The following RABGAP1L variants were observed in gnomAD, a reference collection of about 807,000 sequenced individuals.
RABGAP1L encodes rab GTPase-activating protein 1-like.
In RABGAP1L, 63 loss-of-function variants were observed where a neutral mutation model predicts 137.7. The ratio of observed to expected loss-of-function variants is 0.46; its 90% CI spans 0.37 to 0.56. RABGAP1L has a LOEUF of 0.56. Ranked by LOEUF, RABGAP1L falls within the 20% of genes least tolerant of loss-of-function variation. The probability of loss-of-function intolerance (pLI) is 0.00; values close to 1 mark genes in which losing one functional copy is unlikely to be tolerated. For missense variants in RABGAP1L, 1,095 were observed against 1,244.0 expected (o/e 0.88, Z 1.80); for synonymous variants, 431 against 433.7 (o/e 0.99, Z 0.08).
chr1:174,521,442 T>C (rs1663384048), intron 13 of RABGAP1L, among the ~76,000 whole-genome samples: 1 of 152,012 alleles, frequency 6.6e-6, no homozygotes, highest in Non-Finnish European at 1.5e-5. Flanking sequence ...TAGAATCAGA[T>C]TTTTTGCTTC....
At position 174,231,149 on chromosome 1, in the gene RABGAP1L, T is replaced by G. The variant is rs766958071; in HGVS notation, c.336T>G (p.Ile112Met). ...QLILDPSNTE[I>M]STPRPSSPGG... is the part of the protein sequence containing the mutation. ...TTTCTTTTTTTGTTTCTTCAGAAAT[T>G]TCTACACCCAGACCATCTTCTCCAG... The change falls in exon 4 of 26, where the codon ATT becomes ATG. Residue 112 changes from isoleucine to methionine, a missense_variant. Ile to Met is a conservative substitution (Grantham distance 10). Around this residue, in one of 4 missense-constraint regions of RABGAP1L, gnomAD observed 356 missense variants for 326.3 expected, o/e 1.09. Coordinates refer to ENST00000681986, the MANE Select transcript of RABGAP1L (RefSeq NM_001366446.1). The G allele has an allele frequency of 6.2e-7, 1 of 1,604,468 alleles. No homozygotes were observed. The highest frequency in any genetic ancestry group is 1.7e-4 in the Middle Eastern group (1 of 6,044).
At chr1:174,551,492 A>C (rs1191172286) in intron 13 of RABGAP1L, among the ~76,000 whole-genome samples, 1 of 152,066 alleles carries the variant, frequency 6.6e-6, no homozygotes, top group Non-Finnish European at 1.5e-5. Flanking sequence ...AATATGTGGG[A>C]GGTAGTTAAA....
intron 11 of RABGAP1L, among the ~76,000 whole-genome samples, chr1:174,326,334 A>T (rs2148844614): frequency 6.6e-6 from 1 of 152,368 alleles, no homozygotes; most frequent in South Asian, 2.1e-4. Context: ...GAAATTTATC[A>T]GAGAAATCCA....
intron 11 of RABGAP1L, among the ~76,000 whole-genome samples, chr1:174,343,000 A>G (rs769909278): frequency 6.6e-6 from 1 of 152,242 alleles, no homozygotes; most frequent in East Asian, 1.9e-4. Context: ...TGGCCTCCCA[A>G]AGTGCTGGGA....
At chr1:174,960,610 A>C (rs770060716) in intron 20 of RABGAP1L, among the ~76,000 whole-genome samples, 5 of 152,158 alleles carry the variant, frequency 3.3e-5, no homozygotes, top group Non-Finnish European at 5.9e-5. Context: ...AAAAACATGA[A>C]TTTTATGGTA....
chr1:174,262,455 A>G (rs898530680), intron 7 of RABGAP1L, among the ~76,000 whole-genome samples: 3 of 152,242 alleles, frequency 2.0e-5, no homozygotes, highest in Non-Finnish European at 4.4e-5. Flanking sequence ...CATTAAAAAA[A>G]ATTCCAGTTT....
intron 13 of RABGAP1L, among the ~76,000 whole-genome samples, chr1:174,483,099 AT>A (rs1285543007): frequency 3.3e-5 from 5 of 152,334 alleles, no homozygotes; most frequent in African/African-American, 9.6e-5. Flanking sequence ...GGAGGTATCC[AT>A]CACCTCAAGC....
chr1:174,178,849 G>T (rs1558007146), intron 1 of RABGAP1L, among the ~76,000 whole-genome samples: 1 of 152,170 alleles, frequency 6.6e-6, no homozygotes. Flanking sequence ...GGAGGCAAGG[G>T]AAGGGAGAGC....
intron 7 of RABGAP1L, among the ~76,000 whole-genome samples, chr1:174,262,264 T>G (rs1480323169): frequency 2.0e-5 from 3 of 152,212 alleles, no homozygotes; most frequent in Non-Finnish European, 2.9e-5. Flanking sequence ...CATTGCTGGC[T>G]TCTGTTGGCA....
chr1:174,673,744 G>A (rs1022221701), intron 14 of RABGAP1L, among the ~76,000 whole-genome samples: 1 of 152,128 alleles, frequency 6.6e-6, no homozygotes, highest in Non-Finnish European at 1.5e-5. Context: ...TATAAAAGAT[G>A]CATATGTGGT....
chr1:174,571,234 T>C (rs1012002382), intron 13 of RABGAP1L, among the ~76,000 whole-genome samples: 2 of 151,990 alleles, frequency 1.3e-5, no homozygotes, highest in Admixed American at 6.6e-5. Context: ...ATTGAACTCA[T>C]AGAGAGAGAA....
chr1:174,805,800 C>A (rs1396302543), intron 18 of RABGAP1L, among the ~76,000 whole-genome samples: 1 of 152,136 alleles, frequency 6.6e-6, no homozygotes, highest in Non-Finnish European at 1.5e-5. Flanking sequence ...CTGCGCCCGG[C>A]CTATTAGTTC....
chr1:174,597,008 A>G (rs1048988972), intron 13 of RABGAP1L, among the ~76,000 whole-genome samples: 10 of 151,840 alleles, frequency 6.6e-5, no homozygotes, highest in Non-Finnish European at 1.3e-4. Context: ...TTTTTATATG[A>G]TGTTTATATT....
intron 17 of RABGAP1L, among the ~76,000 whole-genome samples, chr1:174,728,892 C>CA (rs1408363696): frequency 6.6e-6 from 1 of 152,128 alleles, no homozygotes; most frequent in Non-Finnish European, 1.5e-5. Flanking sequence ...CCACCCTCCT[C>CA]AGCCTCCCAA....
intron 19 of RABGAP1L, among the ~76,000 whole-genome samples, chr1:174,847,153 C>T (rs548866015): frequency 4.0e-5 from 6 of 149,594 alleles, no homozygotes; most frequent in Non-Finnish European, 8.9e-5. Context: ...CTGAATACAG[C>T]ACACTGTTGG....
At chr1:174,345,681 A>T (rs894508272) in intron 11 of RABGAP1L, among the ~76,000 whole-genome samples, 1 of 152,200 alleles carries the variant, frequency 6.6e-6, no homozygotes, top group African/African-American at 2.4e-5. Context: ...AGATCGTATC[A>T]TCTCCAAAGA....
intron 13 of RABGAP1L, among the ~76,000 whole-genome samples, chr1:174,463,216 T>C (rs1656899139): frequency 6.6e-6 from 1 of 152,180 alleles, no homozygotes; most frequent in Non-Finnish European, 1.5e-5. Flanking sequence ...TGCACACGTA[T>C]GTTTATTGCG....
intron 13 of RABGAP1L, among the ~76,000 whole-genome samples, chr1:174,474,213 A>G (rs573574225): frequency 6.6e-6 from 1 of 152,298 alleles, no homozygotes; most frequent in Admixed American, 6.5e-5. Flanking sequence ...AATTTGTAGT[A>G]TCATTTTGCA....
At chr1:174,665,958 G>T (rs760637890) in intron 14 of RABGAP1L, among the ~76,000 whole-genome samples, 1 of 152,136 alleles carries the variant, frequency 6.6e-6, no homozygotes, top group Non-Finnish European at 1.5e-5. Flanking sequence ...GTATTCTTGC[G>T]TACTATATTA....
Sources: allele counts gnomAD v4.1 joint callset (sites outside exome capture counted in the v4.1 genomes callset), GRCh38; gene constraint gnomAD v4.1.1; regional missense constraint gnomAD v4.1.1; transcripts MANE v1.5; gene names NCBI Gene and HGNC (gene_info 2026-07-23, HGNC 2026-07-21).